Variants in CD109 observed in about 807,000 individuals in gnomAD.
The protein encoded by CD109 is CD109 antigen.
CD109 carries 149 observed loss-of-function variants against 165.8 expected under a neutral mutation model. The observed-to-expected ratio is 0.90, with a 90% CI of 0.79 to 1.03. The LOEUF is 1.03. Among genes scored for constraint, CD109 ranks in the 50% least tolerant of loss-of-function variants. CD109 has a pLI of 0.00. For missense variants in CD109, 1,712 were observed against 1,677.8 expected, an observed-to-expected ratio of 1.02 and a Z score of -0.36; for synonymous variants, 585 against 592.1, an observed-to-expected ratio of 0.99 and a Z score of 0.18.
Position 73,811,013 on chromosome 6 carries a change from G to T in CD109, c.3568G>T (p.Ala1190Ser), listed in dbSNP as rs371425280. 1 of 1,613,002 alleles carries T rather than the reference G, an allele frequency of 6.2e-7. No individual in the cohort carries two copies. Among genetic ancestry groups the T allele is most frequent in the Non-Finnish European group, 8.5e-7 (1 of 1,179,334 alleles). ...ACAGGATACCACTGTGGCTTTAAAG[G>T]CTCTGTCTGAATTTGCAGCCCTAAT... is the stretch of plus-strand genomic sequence containing the variant. ...STQDTTVALKALSEFAALMNT... is the reference protein window; with the variant it reads ...STQDTTVALKSLSEFAALMNT... Residue 1190 changes from alanine (A) to serine (S), a missense_variant, in exon 28 of 33, where the codon GCT (alanine) becomes TCT (serine). By Grantham distance (99) the Ala-to-Ser change is moderately conservative. Transcript: ENST00000287097.
In CD109 at chr6:73,768,116, C is replaced by T. The variant is rs1313289159; in HGVS notation, c.1559C>T (p.Thr520Ile). Residue 520 changes from threonine to isoleucine, a missense_variant, in exon 14 of 33, where the codon ACA becomes ATA. Physicochemically the swap from Thr to Ile is moderately conservative, Grantham distance 89 (BLOSUM62 -1). Coordinates refer to ENST00000287097, the MANE Select transcript of CD109 (RefSeq NM_133493.5). The part of the protein sequence containing the change: ...GKQNSTMFSL[T>I]PENSWTPKAC... ...CAAAATTCAACAATGTTCTCTTTAA[C>T]ACCAGAAAATTCTTGGACTCCAAAA... 1 of 1,612,902 alleles carries T rather than the reference C, an allele frequency of 6.2e-7. No individual in the cohort carries two copies. Among genetic ancestry groups the T allele is most frequent in the South Asian group, 1.1e-5 (1 of 91,032 alleles).
At chr6:73,780,910 ATG>A (rs1042271249) in intron 16 of CD109, among the ~76,000 whole-genome samples, 8 of 123,514 alleles carry the variant, frequency 6.5e-5, no homozygotes, top group Non-Finnish European at 1.0e-4. Flanking sequence ...GTGTGTGTGT[ATG>A]TGTGTGTGTG....
rs1776276224 is a variant in CD109 at position 73,826,311 on chromosome 6, GAT to G, written c.*2679_*2680del. On this transcript the variant is annotated 3_prime_UTR_variant, in exon 33 of 33. Coordinates refer to ENST00000287097, the MANE Select transcript of CD109 (RefSeq NM_133493.5). ...ATTAAAAAACTCATTTTACCATTAA[GAT>G]TCCTTATGCTGAAGCTCTTCCATTT... 1 of 152,164 alleles carries G rather than the reference GAT, an allele frequency of 6.6e-6. No individual in the cohort carries two copies. Among genetic ancestry groups the G allele is most frequent in the African/African-American group, 2.4e-5 (1 of 41,434 alleles). The allele number at this position is 152,164 out of a possible 1,614,324, so 9.4% of individuals were successfully genotyped here.
At chr6:73,818,152 T>G (rs1181393015) in intron 30 of CD109, among the ~76,000 whole-genome samples, 1 of 152,216 alleles carries the variant, frequency 6.6e-6, no homozygotes, top group Non-Finnish European at 1.5e-5. Context: ...TTGCATACTA[T>G]CTGTCAGATG....
intron 19 of CD109, among the ~76,000 whole-genome samples, chr6:73,784,142 TGA>T (rs1774605713): frequency 6.7e-6 from 1 of 150,100 alleles, no homozygotes; most frequent in South Asian, 2.1e-4. Flanking sequence ...AGAGAGAGAG[TGA>T]GTCTTTCTAT....
intron 22 of CD109, 138 bp downstream of exon 22, chr6:73,788,750 CATT>C (rs1774798764): frequency 4.4e-6 from 3 of 677,376 alleles, no homozygotes; most frequent in East Asian, 2.9e-5. Context: ...CCCAACAACT[CATT>C]ATAATATGAA....
chr6:73,783,689 T>G lies in CD109; in HGVS notation c.2106-18T>G. ...GTTCTTGGTTTTGTGATGTTTATATTTATTATCTTGACTTCAGTTACAGGA... is the reference window on the plus strand; with the variant it reads ...GTTCTTGGTTTTGTGATGTTTATATGTATTATCTTGACTTCAGTTACAGGA... On this transcript the variant is annotated intron_variant, in intron 18 of 32. Transcript: ENST00000287097. The G allele has an allele frequency of 7.3e-7, 1 of 1,371,572 alleles. No homozygotes were observed. Among genetic ancestry groups the G allele is most frequent in the Non-Finnish European group, 1.0e-6 (1 of 960,060 alleles). 85.0% of individuals were successfully genotyped at this position (1,371,572 alleles called of 1,614,324 possible).
intron 4 of CD109, among the ~76,000 whole-genome samples, chr6:73,733,579 C>T (rs886720978): frequency 6.6e-6 from 1 of 152,206 alleles, no homozygotes; most frequent in African/African-American, 2.4e-5. Flanking sequence ...TCTGACACTG[C>T]GATGGCAGCT....
rs1455566607 is a variant in CD109 at position 73,767,999 on chromosome 6, A to G, written c.1498-56A>G. 4.4e-6 allele frequency: 6 copies of G among 1,366,382 alleles called. No individual in the cohort carries two copies. In the African/African-American group the frequency reaches 8.7e-5, roughly 20 times the overall value. The allele number at this position is 1,366,382 out of a possible 1,614,324, so 84.6% of individuals were successfully genotyped here. On this transcript the variant is annotated intron_variant, in intron 13 of 32. Transcript: ENST00000287097. ...ATACAATTATGATTAATGTAGCTTC[A>G]GATGAGATCCTACTAGGTTTGGCAA... is the stretch of plus-strand genomic sequence containing the variant.
At chr6:73,752,880 T>C (rs1195255084) in intron 5 of CD109, among the ~76,000 whole-genome samples, 4 of 152,184 alleles carry the variant, frequency 2.6e-5, no homozygotes, top group African/African-American at 9.7e-5. Flanking sequence ...GCAGATAAAA[T>C]TATTTTGAAA....
chr6:73,802,281 G>GTACA (rs1156372801), intron 23 of CD109, among the ~76,000 whole-genome samples: 4 of 97,256 alleles, frequency 4.1e-5, no homozygotes, highest in African/African-American at 1.2e-4. Flanking sequence ...GTGTGTGTGT[G>GTACA]TGTGTGTGTA....
intron 32 of CD109, 41 bp downstream of exon 32, chr6:73,820,604 C>A: frequency 3.4e-6 from 4 of 1,174,364 alleles, no homozygotes; most frequent in African/African-American, 1.6e-5. Context: ...AGAAATTAAG[C>A]CAGGCATTCA....
chr6:73,770,421 A>G (rs970248165), intron 14 of CD109, among the ~76,000 whole-genome samples: 7 of 152,196 alleles, frequency 4.6e-5, no homozygotes, highest in Admixed American at 1.3e-4. Context: ...GGCACAGCAG[A>G]ATGTTGAGAT....
chr6:73,711,389 A>T (rs1334567997), intron 2 of CD109, among the ~76,000 whole-genome samples: 1 of 152,108 alleles, frequency 6.6e-6, no homozygotes. Context: ...TATGTAAGGG[A>T]CCAAAGGAGA....
intron 5 of CD109, among the ~76,000 whole-genome samples, chr6:73,755,875 C>T (rs1028800657): frequency 5.3e-5 from 8 of 152,044 alleles, no homozygotes; most frequent in South Asian, 2.1e-4. Flanking sequence ...GCAGGAGAAT[C>T]GCTTGAGTCC....
intron 5 of CD109, among the ~76,000 whole-genome samples, chr6:73,744,684 G>T (rs942059555): frequency 2.6e-5 from 4 of 152,100 alleles, no homozygotes; most frequent in African/African-American, 9.7e-5. Context: ...TAATTTCTAG[G>T]CCCCATATGC....
Position 73,808,244 on chromosome 6 carries a change from AGAAGGTAAT to A in CD109, c.3353_3355+6del. On this transcript the variant is annotated splice_donor_variant and splice_donor_5th_base_variant and coding_sequence_variant and intron_variant, in exon 26 of 33. Transcript: ENST00000287097. LOFTEE classifies it high-confidence loss of function. ...ATATGCTGACTTGGAGAGCAGAACAAGAAGGTAATGTGCTGGGCCCACTTGAGGTTGTTA... is the reference window on the plus strand; with the variant it reads ...ATATGCTGACTTGGAGAGCAGAACAAGTGCTGGGCCCACTTGAGGTTGTTA... The A allele has an allele frequency of 1.9e-6, 3 of 1,612,306 alleles. No individual in the cohort carries two copies. The highest frequency in any genetic ancestry group is 2.5e-6 in the Non-Finnish European group (3 of 1,179,230).
At chr6:73,785,286 T>A in intron 19 of CD109, 78 bp from the exon 20 acceptor site, 1 of 770,236 alleles carries the variant, frequency 1.3e-6, no homozygotes. Flanking sequence ...ACAGGTTTTA[T>A]AAAGATTGCA....
Position 73,766,937 on chromosome 6 carries a change from T to G in CD109, c.1435-11T>G. ...TTTGATATGTACATATTAATTAAGG[T>G]TTTTTTCTAGGTGGGATCGCCTTTT... On this transcript the variant is annotated splice_polypyrimidine_tract_variant and intron_variant, in intron 12 of 32. Transcript: ENST00000287097. The G allele has an allele frequency of 1.9e-6, 3 of 1,605,850 alleles. No homozygotes were observed. The highest frequency in any genetic ancestry group is 2.6e-6 in the Non-Finnish European group (3 of 1,174,744).
Sources: allele counts gnomAD v4.1 joint callset (sites outside exome capture counted in the v4.1 genomes callset), GRCh38; gene constraint gnomAD v4.1.1; transcripts MANE v1.5; gene names NCBI Gene and HGNC (gene_info 2026-07-23, HGNC 2026-07-21).